Variants in LIPC observed in about 807,000 individuals in gnomAD.
The protein encoded by LIPC is hepatic triacylglycerol lipase.
In LIPC, 44 loss-of-function variants were observed where a neutral mutation model predicts 50.7. The observed-to-expected ratio is 0.87, with a 90% CI of 0.68 to 1.11. The LOEUF (loss-of-function observed/expected upper bound fraction) is 1.11, where lower values mean the gene tolerates loss of function less well. LIPC is among the 50% of genes most tolerant of loss of function. The probability of loss-of-function intolerance (pLI) is 0.00; values close to 1 mark genes in which losing one functional copy is unlikely to be tolerated. For missense variants in LIPC, 697 were observed against 648.2 expected (o/e 1.08, Z -0.82); for synonymous variants, 271 against 256.4 (o/e 1.06, Z -0.54).
At chr15:58,493,162 C>T (rs565883617) in intron 1 of LIPC, among the ~76,000 whole-genome samples, 5 of 152,300 alleles carry the variant, frequency 3.3e-5, no homozygotes, top group African/African-American at 9.6e-5. Context: ...CCCATACCCT[C>T]ATCAGTGATG....
chr15:58,541,005 T>C (rs1305265380), intron 2 of LIPC, among the ~76,000 whole-genome samples: 1 of 151,924 alleles, frequency 6.6e-6, no homozygotes, highest in African/African-American at 2.4e-5. Context: ...TTCACCATGT[T>C]CCCCAGGCTG....
chr15:58,533,794 T>C (rs1191274415), intron 1 of LIPC, among the ~76,000 whole-genome samples: 1 of 152,254 alleles, frequency 6.6e-6, no homozygotes, highest in East Asian at 1.9e-4. Flanking sequence ...TGTGTTTTTT[T>C]CTAAATAATA....
chr15:58,486,091 C>A (rs1891366982), intron 1 of LIPC, among the ~76,000 whole-genome samples: 1 of 152,202 alleles, frequency 6.6e-6, no homozygotes, highest in Middle Eastern at 3.2e-3. Flanking sequence ...CTCTACCATG[C>A]TGGTGAATCC....
chr15:58,555,256 G>A (rs190976170), intron 6 of LIPC, among the ~76,000 whole-genome samples: 11 of 152,310 alleles, frequency 7.2e-5, no homozygotes, highest in Admixed American at 1.3e-4. Flanking sequence ...GCCAAGACAA[G>A]GGCATGAAAC....
intron 1 of LIPC, among the ~76,000 whole-genome samples, chr15:58,535,801 C>A (rs1193624361): frequency 1.3e-5 from 2 of 152,134 alleles, no homozygotes; most frequent in African/African-American, 2.4e-5. Flanking sequence ...TTTTTATCCC[C>A]ATTTTATTTT....
chr15:58,470,759 A>C (rs12905462), intron 1 of LIPC, among the ~76,000 whole-genome samples: 29,157 of 151,798 alleles, frequency 0.19, 3,098 homozygotes, highest in Non-Finnish European at 0.25. Flanking sequence ...GCCACCACAC[A>C]CAGCTAATTT....
chr15:58,452,724 G>C (rs1180426650), intron 1 of LIPC, among the ~76,000 whole-genome samples: 1 of 151,276 alleles, frequency 6.6e-6, no homozygotes, highest in African/African-American at 2.4e-5. Context: ...GTGGGGTAGG[G>C]TGGAGTGGGA....
At chr15:58,443,820 A>G (rs12438129) in intron 1 of LIPC, among the ~76,000 whole-genome samples, 42,108 of 151,500 alleles carry the variant, frequency 0.28, 5,727 homozygotes, top group Admixed American at 0.35. Flanking sequence ...GTTTTGGGAT[A>G]GGCGGTGGAG....
At chr15:58,534,807 T>C (rs1893061952) in intron 1 of LIPC, among the ~76,000 whole-genome samples, 1 of 152,226 alleles carries the variant, frequency 6.6e-6, no homozygotes. Context: ...TGGGTGTTAA[T>C]ATTGACATTC....
intron 1 of LIPC, among the ~76,000 whole-genome samples, chr15:58,479,773 C>T (rs1235524411): frequency 1.3e-5 from 2 of 152,166 alleles, no homozygotes; most frequent in Non-Finnish European, 2.9e-5. Flanking sequence ...TTTTGTTTCC[C>T]AAATGTGCCT....
At chr15:58,565,481 CG>C in intron 8 of LIPC, 3 of 1,395,878 alleles carry the variant, frequency 2.1e-6, no homozygotes, top group South Asian at 1.7e-5. Flanking sequence ...GGCTCCCACA[CG>C]GGGTGAGCAT....
Position 58,539,013 on chromosome 15 carries a change from C to T in LIPC, c.273+496C>T, listed in dbSNP as rs142943588. Among the ~76,000 whole-genome samples, 7 of 152,308 alleles carry T rather than the reference C, an allele frequency of 4.6e-5. No homozygotes were observed. In the East Asian group the frequency reaches 9.6e-4, roughly 21 times the overall value. On this transcript the variant is annotated intron_variant, in intron 2 of 8. Transcript: ENST00000299022. ...CCAAAGATATATGTAACCCAAAAACCGGCTAGACAGCTTTGGTCAGTGAAG... is the reference window on the plus strand; with the variant it reads ...CCAAAGATATATGTAACCCAAAAACTGGCTAGACAGCTTTGGTCAGTGAAG...
At chr15:58,557,402 T>TTTTTTG (rs796425195) in intron 6 of LIPC, among the ~76,000 whole-genome samples, 2 of 142,304 alleles carry the variant, frequency 1.4e-5, no homozygotes, top group African/African-American at 2.7e-5. Context: ...TTTTTTTTTT[T>TTTTTTG]GAGATGTAGT....
At chr15:58,479,991 G>C (rs1891131414) in intron 1 of LIPC, among the ~76,000 whole-genome samples, 1 of 152,176 alleles carries the variant, frequency 6.6e-6, no homozygotes, top group African/African-American at 2.4e-5. Flanking sequence ...CTAAGACAAG[G>C]CCTGGCCCAT....
At position 58,569,227 on chromosome 15, in the gene LIPC, A is replaced by G. The variant is rs1894480943; in HGVS notation, c.*400A>G. On this transcript the variant is annotated 3_prime_UTR_variant, in exon 9 of 9. Transcript: ENST00000299022. The stretch of plus-strand genomic sequence containing the variant: ...TTTTTATTAGGTAACTAGTGCTTCA[A>G]TAAAGCAAGATTCTAATTAATCACC... 1 of 158,722 alleles carries G rather than the reference A, an allele frequency of 6.3e-6. No individual in the cohort carries two copies. The highest frequency in any genetic ancestry group is 2.4e-5 in the African/African-American group (1 of 41,530). 9.8% of individuals were successfully genotyped at this position (158,722 alleles called of 1,614,324 possible).
At chr15:58,506,859 A>T (rs1002486879) in intron 1 of LIPC, among the ~76,000 whole-genome samples, 1 of 152,224 alleles carries the variant, frequency 6.6e-6, no homozygotes, top group East Asian at 1.9e-4. Flanking sequence ...TTTATAGAGG[A>T]AACAAGCTTA....
At chr15:58,554,958 G>A (rs1172121276) in intron 6 of LIPC, among the ~76,000 whole-genome samples, 2 of 152,150 alleles carry the variant, frequency 1.3e-5, no homozygotes, top group African/African-American at 2.4e-5. Context: ...TCCCCAGCCC[G>A]TTCCCTGGTG....
At chr15:58,465,775 G>T (rs1488841305) in intron 1 of LIPC, among the ~76,000 whole-genome samples, 2 of 152,068 alleles carry the variant, frequency 1.3e-5, no homozygotes, top group African/African-American at 4.8e-5. Context: ...AGTCATCACC[G>T]GTCCCACACT....
At chr15:58,525,094 T>C (rs540868991) in intron 1 of LIPC, among the ~76,000 whole-genome samples, 27 of 152,324 alleles carry the variant, frequency 1.8e-4, no homozygotes, top group African/African-American at 6.3e-4. Flanking sequence ...TTTTTCCTGA[T>C]GTATGATGAG....
Sources: allele counts gnomAD v4.1 joint callset (sites outside exome capture counted in the v4.1 genomes callset), GRCh38; gene constraint gnomAD v4.1.1; transcripts MANE v1.5; gene names NCBI Gene and HGNC (gene_info 2026-07-23, HGNC 2026-07-21).